SAMMSON: variants seen among roughly 807,000 people sequenced by gnomAD.
SAMMSON encodes long intergenic non-protein coding RNA 1212.
chr3:70,012,594 G>C (rs1437959036), exon 2 of SAMMSON: 1 of 152,172 alleles, frequency 6.6e-6, no homozygotes, highest in Non-Finnish European at 1.5e-5. Context: ...CTCTAGATGT[G>C]TAAGGTAATA....
intron 6 of SAMMSON, among the ~76,000 whole-genome samples, chr3:70,282,117 G>A (rs746048572): frequency 1.3e-5 from 2 of 152,040 alleles, no homozygotes; most frequent in Non-Finnish European, 2.9e-5. Context: ...TGTTTCAGCT[G>A]GGGAAATGGG....
intron 6 of SAMMSON, among the ~76,000 whole-genome samples, chr3:70,284,898 T>C (rs1702126900): frequency 6.6e-6 from 1 of 152,102 alleles, no homozygotes; most frequent in Admixed American, 6.6e-5. Context: ...GAACTGAAAA[T>C]AAAAGTTAAA....
intron 3 of SAMMSON, among the ~76,000 whole-genome samples, chr3:70,023,194 C>T (rs1360591360): frequency 3.3e-5 from 5 of 152,012 alleles, no homozygotes; most frequent in African/African-American, 1.2e-4. Context: ...CGGTGGCTCA[C>T]GTCTGTAATC....
intron 9 of SAMMSON, among the ~76,000 whole-genome samples, chr3:70,378,002 T>G (rs9858681): frequency 0.098 from 14,827 of 152,008 alleles, 797 homozygotes; most frequent in African/African-American, 0.12. Flanking sequence ...GATTGTTTAT[T>G]GGTATACACG....
At chr3:70,431,057 C>T (rs1701409013) in intron 2 of SAMMSON, among the ~76,000 whole-genome samples, 1 of 152,140 alleles carries the variant, frequency 6.6e-6, no homozygotes, top group South Asian at 2.1e-4. Flanking sequence ...ATTATTTGGA[C>T]ACTCTGTTGA....
intron 6 of SAMMSON, chr3:70,272,254 C>A: frequency 6.6e-6 from 1 of 152,330 alleles, no homozygotes; most frequent in Non-Finnish European, 1.5e-5. Flanking sequence ...TCTATCTCCC[C>A]AAGATGCTCC....
chr3:70,266,337 C>T (rs879310503), intron 6 of SAMMSON, among the ~76,000 whole-genome samples: 25 of 152,072 alleles, frequency 1.6e-4, no homozygotes, highest in African/African-American at 2.9e-4. Flanking sequence ...AAACTGTAAT[C>T]GTTATTAAAT....
intron 6 of SAMMSON, among the ~76,000 whole-genome samples, chr3:70,269,444 T>C (rs1701954425): frequency 6.6e-6 from 1 of 152,194 alleles, no homozygotes; most frequent in South Asian, 2.1e-4. Context: ...GTTCTAACCA[T>C]GTTCAAGTAA....
chr3:70,206,992 C>A (rs1267511115), intron 4 of SAMMSON, among the ~76,000 whole-genome samples: 2 of 149,458 alleles, frequency 1.3e-5, no homozygotes, highest in African/African-American at 4.9e-5. Context: ...ATACACATTG[C>A]AAACTTTACC....
chr3:70,096,983 G>A (rs1281836439), intron 4 of SAMMSON, among the ~76,000 whole-genome samples: 1 of 152,186 alleles, frequency 6.6e-6, no homozygotes, highest in South Asian at 2.1e-4. Context: ...CTTCCTGGAA[G>A]AAGACATGAT....
At chr3:70,284,389 T>C (rs190444379) in intron 6 of SAMMSON, among the ~76,000 whole-genome samples, 86 of 152,276 alleles carry the variant, frequency 5.6e-4, no homozygotes, top group Middle Eastern at 3.4e-3. Flanking sequence ...CAAGACTCTA[T>C]TAAACTTTCT....
At chr3:70,286,360 G>C (rs958551156) in intron 6 of SAMMSON, among the ~76,000 whole-genome samples, 1 of 152,130 alleles carries the variant, frequency 6.6e-6, no homozygotes, top group Non-Finnish European at 1.5e-5. Flanking sequence ...TCAAAGATCA[G>C]ATAGTTGTAG....
chr3:70,026,704 C>T (rs749344544), intron 3 of SAMMSON, among the ~76,000 whole-genome samples: 6 of 152,112 alleles, frequency 3.9e-5, no homozygotes, highest in African/African-American at 1.4e-4. Flanking sequence ...TTGATGATCA[C>T]GCAGTAAAAG....
intron 9 of SAMMSON, among the ~76,000 whole-genome samples, chr3:70,372,333 A>C (rs1011125763): frequency 6.6e-6 from 1 of 151,838 alleles, no homozygotes; most frequent in South Asian, 2.1e-4. Flanking sequence ...TATTTTTGAT[A>C]CAGAGTCTTA....
chr3:70,274,334 A>T (rs1441968922), intron 6 of SAMMSON, among the ~76,000 whole-genome samples: 1 of 152,268 alleles, frequency 6.6e-6, no homozygotes, highest in Non-Finnish European at 1.5e-5. Context: ...AAGGTTGAGA[A>T]TCATCATATT....
intron 2 of SAMMSON, among the ~76,000 whole-genome samples, chr3:70,398,570 T>C (rs1216572989): frequency 6.6e-6 from 1 of 152,220 alleles, no homozygotes; most frequent in Non-Finnish European, 1.5e-5. Context: ...TTTAAGTAGA[T>C]AGAAGATATT....
chr3:70,145,036 G>T (rs777822014), intron 4 of SAMMSON, among the ~76,000 whole-genome samples: 2 of 152,060 alleles, frequency 1.3e-5, no homozygotes, highest in African/African-American at 4.8e-5. Context: ...TTTAGAATCT[G>T]TTACCCATCT....
At chr3:70,053,738 T>A (rs1352213330) in intron 3 of SAMMSON, among the ~76,000 whole-genome samples, 1 of 152,148 alleles carries the variant, frequency 6.6e-6, no homozygotes, top group Admixed American at 6.6e-5. Context: ...TGGGGGTCTT[T>A]CTTTTTTTCA....
chr3:70,268,189 G>T (rs575931295), intron 6 of SAMMSON, among the ~76,000 whole-genome samples: 3 of 152,122 alleles, frequency 2.0e-5, no homozygotes, highest in Admixed American at 6.5e-5. Context: ...AACATTCTCC[G>T]GCTGGGCGCG....
Sources: gnomAD v4.1 joint callset for allele counts (sites outside exome capture counted in the v4.1 genomes callset) on GRCh38, gnomAD v4.1.1 for gene constraint, MANE v1.5 for transcripts, NCBI Gene and HGNC (gene_info 2026-07-23, HGNC 2026-07-21) for gene names.